The following GDPD1 variants were observed in gnomAD, a reference collection of about 807,000 sequenced individuals.
GDPD1 encodes the protein glycerophosphodiester phosphodiesterase domain containing 1.
GDPD1 carries 28 observed loss-of-function variants against 45.1 expected under a neutral mutation model. The ratio of observed to expected loss-of-function variants is 0.62; its 90% CI spans 0.46 to 0.85. GDPD1 has a LOEUF of 0.85. GDPD1 is among the 40% of genes least tolerant of loss of function. GDPD1 has a pLI of 0.00. For missense variants in GDPD1, 256 were observed against 364.8 expected, an observed-to-expected ratio of 0.70 and a Z score of 2.43; for synonymous variants, 139 against 131.4, an observed-to-expected ratio of 1.06 and a Z score of -0.40.
Position 59,255,859 on chromosome 17 carries a change from A to ATATATATATACACG in GDPD1, c.368-1253_368-1252insCACGTATATATATA, listed in dbSNP as rs1568346996. On this transcript the variant is annotated intron_variant, in intron 4 of 9. Transcript: ENST00000284116. ...TATATATATATATATATACACACGT[A>ATATATATATACACG]TATATATATATATATACACACACAC... is the stretch of plus-strand genomic sequence containing the variant. 2.9e-4 allele frequency among the ~76,000 whole-genome samples: 24 copies of ATATATATATACACG among 82,156 alleles called. No homozygotes were observed. The East Asian group carries it at 3.2e-3, about 11-fold the overall frequency. 53.9% of individuals were successfully genotyped at this position (82,156 alleles called of 152,430 possible). A position where few individuals can be genotyped will look rare whatever the true frequency, so the allele number is the denominator to read the frequency against.
intron 3 of GDPD1, among the ~76,000 whole-genome samples, chr17:59,248,096 T>C (rs1192749521): frequency 6.6e-6 from 1 of 152,118 alleles, no homozygotes; most frequent in African/African-American, 2.4e-5. Context: ...GGGAAATTAT[T>C]GGGTAAAAGA....
Position 59,274,395 on chromosome 17 carries a change from C to T in GDPD1, c.*622C>T, listed in dbSNP as rs1346920124. The T allele has an allele frequency of 6.6e-6, 1 of 151,744 alleles. No individual in the cohort carries two copies. The highest frequency in any genetic ancestry group is 1.5e-5 in the Non-Finnish European group (1 of 68,098). The allele number at this position is 151,744 out of a possible 1,614,324, so 9.4% of individuals were successfully genotyped here. The stretch of plus-strand genomic sequence containing the variant: ...ATGCGTGGTGGTACACGTCTGTCAT[C>T]CCAGCAGCTCTTAAGGCTGAGGCAC... On this transcript the variant is annotated 3_prime_UTR_variant, in exon 10 of 10. Transcript: ENST00000284116.
In GDPD1 at chr17:59,220,578, G is replaced by A. The variant is rs61738392; in HGVS notation, c.-32G>A. ...TGCCGCAGCGGAGTTCAGAGGGCCC[G>A]GAGGTGGGAGACTTCCCACACGGTG... On this transcript the variant is annotated 5_prime_UTR_variant, in exon 1 of 10. Coordinates refer to ENST00000284116, the MANE Select transcript of GDPD1 (RefSeq NM_182569.4). 6.3e-3 allele frequency: 10,149 copies of A among 1,606,448 alleles called. 611 individuals carry two copies. The African/African-American group carries it at 0.12, about 19-fold the overall frequency.
At position 59,275,857 on chromosome 17, in the gene GDPD1, A is replaced by G. The variant is rs1340609386; in HGVS notation, c.*2084A>G. 1 of 152,192 alleles carries G rather than the reference A, an allele frequency of 6.6e-6. No individual in the cohort carries two copies. Among genetic ancestry groups the G allele is most frequent in the East Asian group, 1.9e-4 (1 of 5,198 alleles). 9.4% of individuals were successfully genotyped at this position (152,192 alleles called of 1,614,324 possible). A position where few individuals can be genotyped will look rare whatever the true frequency, so the allele number is the denominator to read the frequency against. ...TACCTAGATTACATCTCTCATTTGG[A>G]GTTTGGCAATGAAACTGCTATGAAG... On this transcript the variant is annotated 3_prime_UTR_variant, in exon 10 of 10. Transcript: ENST00000284116.
intron 1 of GDPD1, among the ~76,000 whole-genome samples, chr17:59,231,334 T>C (rs949983506): frequency 7.5e-5 from 11 of 146,962 alleles, no homozygotes; most frequent in African/African-American, 2.5e-4. Flanking sequence ...CTTTTTTTTT[T>C]TTTTTTTTTT....
chr17:59,232,809 A>G (rs1019613181), intron 1 of GDPD1, among the ~76,000 whole-genome samples: 1 of 152,180 alleles, frequency 6.6e-6, no homozygotes, highest in Non-Finnish European at 1.5e-5. Flanking sequence ...TTAAAAAGCC[A>G]TCTAGCAGAA....
intron 2 of GDPD1, among the ~76,000 whole-genome samples, chr17:59,239,298 T>G (rs1004689692): frequency 1.3e-5 from 2 of 152,230 alleles, no homozygotes; most frequent in African/African-American, 4.8e-5. Context: ...TGTTATGCAT[T>G]GTTTCTGTGG....
intron 2 of GDPD1, among the ~76,000 whole-genome samples, chr17:59,243,092 G>A (rs1265640789): frequency 6.6e-6 from 1 of 152,082 alleles, no homozygotes; most frequent in Non-Finnish European, 1.5e-5. Flanking sequence ...GGGAAGCTGA[G>A]GTGTGGGAAT....
At chr17:59,241,106 T>G (rs2047171877) in intron 2 of GDPD1, among the ~76,000 whole-genome samples, 1 of 152,216 alleles carries the variant, frequency 6.6e-6, no homozygotes, top group Non-Finnish European at 1.5e-5. Context: ...ACATAGATGT[T>G]TAAATACCAT....
chr17:59,231,379 T>C (rs1307238698), intron 1 of GDPD1, among the ~76,000 whole-genome samples: 2 of 140,344 alleles, frequency 1.4e-5, no homozygotes, highest in Non-Finnish European at 3.0e-5. Context: ...CAGGCTGGAG[T>C]GCAGTGGCAC....
chr17:59,245,920 A>C (rs1330494426), intron 3 of GDPD1, among the ~76,000 whole-genome samples: 1 of 152,022 alleles, frequency 6.6e-6, no homozygotes, highest in Non-Finnish European at 1.5e-5. Flanking sequence ...CAGGAGTTCG[A>C]GACCAGCCTG....
intron 5 of GDPD1, 123 bp downstream of exon 5, chr17:59,257,363 T>C: frequency 1.6e-6 from 1 of 608,458 alleles, no homozygotes; most frequent in Non-Finnish European, 2.9e-6. Context: ...GGGATCAGCA[T>C]TGTTTTAAAT....
At chr17:59,255,938 A>G (rs545807801) in intron 4 of GDPD1, among the ~76,000 whole-genome samples, 15 of 144,848 alleles carry the variant, frequency 1.0e-4, no homozygotes, top group African/African-American at 3.9e-4. Flanking sequence ...GTGCCAGAGG[A>G]TTGCTGGAGT....
chr17:59,223,921 G>A (rs563930548), intron 1 of GDPD1, among the ~76,000 whole-genome samples: 1 of 152,242 alleles, frequency 6.6e-6, no homozygotes, highest in Non-Finnish European at 1.5e-5. Flanking sequence ...GGCACTCCGA[G>A]GGGTTGAATC....
intron 1 of GDPD1, among the ~76,000 whole-genome samples, chr17:59,233,511 CAAAAAAA>C (rs35485066): frequency 3.3e-5 from 3 of 91,080 alleles, no homozygotes; most frequent in African/African-American, 7.7e-5. Flanking sequence ...GACTCCGTCT[CAAAAAAA>C]AAAAAAAAAA....
intron 7 of GDPD1, among the ~76,000 whole-genome samples, chr17:59,269,806 G>C (rs1200265003): frequency 6.6e-6 from 1 of 152,120 alleles, no homozygotes; most frequent in African/African-American, 2.4e-5. Context: ...CTGGGTGACA[G>C]AGCAAGACTC....
intron 9 of GDPD1, among the ~76,000 whole-genome samples, chr17:59,273,432 G>C (rs1396308414): frequency 6.6e-6 from 1 of 152,104 alleles, no homozygotes; most frequent in Non-Finnish European, 1.5e-5. Flanking sequence ...TCAGCCAGGA[G>C]TCTGTATATT....
At chr17:59,231,324 C>CTTTTTTTTTTTT (rs557850341) in intron 1 of GDPD1, among the ~76,000 whole-genome samples, 1 of 114,422 alleles carries the variant, frequency 8.7e-6, no homozygotes, top group Non-Finnish European at 1.7e-5. Flanking sequence ...TTCTTTCTTT[C>CTTTTTTTTTTTT]TTTTTTTTTT....
intron 6 of GDPD1, among the ~76,000 whole-genome samples, chr17:59,259,383 C>T (rs540155313): frequency 3.5e-4 from 53 of 151,622 alleles, no homozygotes; most frequent in Non-Finnish European, 5.9e-4. Context: ...CTGGCTAACG[C>T]GGTGAAACCC....
Sources: allele counts gnomAD v4.1 joint callset (sites outside exome capture counted in the v4.1 genomes callset), GRCh38; gene constraint gnomAD v4.1.1; transcripts MANE v1.5; gene names NCBI Gene and HGNC (gene_info 2026-07-23, HGNC 2026-07-21).